TMPRSS4: variants seen among roughly 807,000 people sequenced by gnomAD.
TMPRSS4 encodes the protein transmembrane serine protease 4.
In TMPRSS4, 45 loss-of-function variants were observed where a neutral mutation model predicts 56.4. The observed-to-expected ratio is 0.80, with a 90% CI of 0.63 to 1.02. The LOEUF (loss-of-function observed/expected upper bound fraction) is 1.02, where lower values mean the gene tolerates loss of function less well. Ranked by LOEUF, TMPRSS4 falls within the 50% of genes least tolerant of loss-of-function variation. The pLI, the probability that TMPRSS4 is intolerant of heterozygous loss-of-function variation, is 0.00. For synonymous variants in TMPRSS4, 205 were observed against 211.0 expected (o/e 0.97, Z 0.25); for missense variants, 546 against 556.7 (o/e 0.98, Z 0.19).
In TMPRSS4 at chr11:118,119,541, T is replaced by C. The variant is rs1177329564; in HGVS notation, c.*1628T>C. ...TCAGAATATTAGAGACTTATGATAATAAGCAATATTTGCAGAGTATTTGTA... is the reference window on the plus strand; with the variant it reads ...TCAGAATATTAGAGACTTATGATAACAAGCAATATTTGCAGAGTATTTGTA... On this transcript the variant is annotated 3_prime_UTR_variant, in exon 13 of 13. Transcript: ENST00000437212. 5.8e-6 allele frequency: 1 copy of C among 173,286 alleles called. No individual in the cohort carries two copies. The highest frequency in any genetic ancestry group is 2.4e-5 in the African/African-American group (1 of 41,862). The allele number at this position is 173,286 out of a possible 1,614,324, so 10.7% of individuals were successfully genotyped here. A position where few individuals can be genotyped will look rare whatever the true frequency, so the allele number is the denominator to read the frequency against.
At chr11:118,110,309 A>AACGC (rs1411806258) in intron 7 of TMPRSS4, among the ~76,000 whole-genome samples, 1 of 151,748 alleles carries the variant, frequency 6.6e-6, no homozygotes, top group Admixed American at 6.6e-5. Flanking sequence ...ATTTTTCCGC[A>AACGC]AACCAAGAGG....
At chr11:118,107,419 T>A in intron 5 of TMPRSS4, 1 of 171,182 alleles carries the variant, frequency 5.8e-6, no homozygotes, top group East Asian at 1.5e-4. Context: ...GTTTCCCTGC[T>A]GTGAACCAGA....
intron 2 of TMPRSS4, 111 bp downstream of exon 2, chr11:118,094,966 G>C: frequency 9.0e-7 from 1 of 1,106,144 alleles, no homozygotes; most frequent in South Asian, 1.3e-5. Flanking sequence ...AAAGTGCTAA[G>C]TGCCATGAGT....
chr11:118,087,714 A>T (rs603455), intron 1 of TMPRSS4: 20,266 of 152,226 alleles, frequency 0.13, 1,781 homozygotes, highest in East Asian at 0.24. Context: ...TGACCTTAAG[A>T]TGTCTGTTTG....
intron 2 of TMPRSS4, among the ~76,000 whole-genome samples, chr11:118,098,040 G>A (rs547846032): frequency 6.6e-6 from 1 of 152,326 alleles, no homozygotes; most frequent in African/African-American, 2.4e-5. Flanking sequence ...AAAGTGCTGG[G>A]ATTACAGGCG....
rs972054397 is a variant in TMPRSS4, at chr11:118,111,982, C to T, written c.743+82C>T. On this transcript the variant is annotated intron_variant, in intron 8 of 12. Transcript: ENST00000437212. ...AGCTTGGGGTCCTGTCTCCTGGCAC[C>T]GTCCTTCTCTTCACTCTCCCACTAG... 4.2e-5 allele frequency: 64 copies of T among 1,536,448 alleles called. 1 individual carries two copies. The African/African-American group carries it at 5.4e-4, about 13-fold the overall frequency.
chr11:118,113,577 T>A, intron 9 of TMPRSS4, 142 bp downstream of exon 9: 1 of 897,384 alleles, frequency 1.1e-6, no homozygotes, highest in Non-Finnish European at 1.7e-6. Flanking sequence ...TACGTCAGCC[T>A]AACATCACTG....
intron 11 of TMPRSS4, among the ~76,000 whole-genome samples, chr11:118,116,901 G>A (rs1200538005): frequency 3.3e-5 from 5 of 151,894 alleles, no homozygotes; most frequent in African/African-American, 7.2e-5. Flanking sequence ...TAGTAGAGAC[G>A]GGTTTCACCA....
At position 118,084,265 on chromosome 11, in the gene TMPRSS4, C is replaced by A. The variant is rs78081857; in HGVS notation, c.3+6960C>A. Among the ~76,000 whole-genome samples, 353 of 152,274 alleles carry A rather than the reference C, an allele frequency of 2.3e-3. 2 individuals are homozygous for A. Among genetic ancestry groups the A allele is most frequent in the African/African-American group, 5.6e-3 (234 of 41,558 alleles). On this transcript the variant is annotated intron_variant, in intron 1 of 12. Coordinates refer to ENST00000437212, the MANE Select transcript of TMPRSS4 (RefSeq NM_019894.4). Reference sequence around the variant, plus strand: ...TTCAGACCTAGGCTGCAGGATTCCACGGCCTGTGCTCTGTGCACTGTAAAA... The same window carrying A: ...TTCAGACCTAGGCTGCAGGATTCCAAGGCCTGTGCTCTGTGCACTGTAAAA...
chr11:118,105,837 C>T (rs779568895), intron 5 of TMPRSS4: 1 of 152,254 alleles, frequency 6.6e-6, no homozygotes, highest in Non-Finnish European at 1.5e-5. Flanking sequence ...AGAACTCTCT[C>T]CCATGGATCC....
intron 1 of TMPRSS4, among the ~76,000 whole-genome samples, chr11:118,081,477 G>A (rs1488296497): frequency 1.3e-5 from 2 of 152,200 alleles, no homozygotes; most frequent in Non-Finnish European, 2.9e-5. Flanking sequence ...TCCCCTGCCC[G>A]TGGCCCCCAG....
At chr11:118,113,757 C>A (rs684835) in intron 9 of TMPRSS4, among the ~76,000 whole-genome samples, 2 of 152,136 alleles carry the variant, frequency 1.3e-5, no homozygotes, top group Admixed American at 1.3e-4. Flanking sequence ...GCTAATTCCC[C>A]ACCACTGACC....
At chr11:118,116,550 A>G (rs1016969332) in intron 11 of TMPRSS4, among the ~76,000 whole-genome samples, 5 of 152,088 alleles carry the variant, frequency 3.3e-5, no homozygotes, top group Non-Finnish European at 7.4e-5. Flanking sequence ...TTGCTTGTTC[A>G]CTGTCTCTCA....
At position 118,119,651 on chromosome 11, in the gene TMPRSS4, T is replaced by C. The variant is rs1211650020; in HGVS notation, c.*1738T>C. ...ATCTGTGAGATGGGTATTATTCTTA[T>C]CCTCACTCTATGGATTAAAAAAACT... is the stretch of plus-strand genomic sequence containing the variant. On this transcript the variant is annotated 3_prime_UTR_variant, in exon 13 of 13. Coordinates refer to ENST00000437212, the MANE Select transcript of TMPRSS4 (RefSeq NM_019894.4). The C allele has an allele frequency of 6.6e-6, 1 of 152,302 alleles. No homozygotes were observed. The highest frequency in any genetic ancestry group is 1.9e-4 in the East Asian group (1 of 5,200). 9.4% of individuals were successfully genotyped at this position (152,302 alleles called of 1,614,324 possible).
intron 1 of TMPRSS4, among the ~76,000 whole-genome samples, chr11:118,092,222 C>T (rs529685999): frequency 6.6e-6 from 1 of 152,288 alleles, no homozygotes; most frequent in South Asian, 2.1e-4. Flanking sequence ...GCTGCCTAGA[C>T]AAAACCAATT....
Position 118,094,724 on chromosome 11 carries a change from G to A in TMPRSS4, c.4-92G>A, listed in dbSNP as rs972266282. On this transcript the variant is annotated intron_variant, in intron 1 of 12. Coordinates refer to ENST00000437212, the MANE Select transcript of TMPRSS4 (RefSeq NM_019894.4). ...CCCCCAACGTAGACTCAGGGAGAAG[G>A]GAATGTAGACAAGACCCAAGAACCT... The A allele has an allele frequency of 7.9e-6, 9 of 1,136,624 alleles. No homozygotes were observed. In the East Asian group the frequency reaches 1.0e-4, roughly 13 times the overall value. The allele number at this position is 1,136,624 out of a possible 1,614,324, so 70.4% of individuals were successfully genotyped here. A position where few individuals can be genotyped will look rare whatever the true frequency, so the allele number is the denominator to read the frequency against.
In TMPRSS4 at chr11:118,119,053, C is replaced by G; in HGVS notation, c.*1140C>G. 1 of 985,298 alleles carries G rather than the reference C, an allele frequency of 1.0e-6. No individual in the cohort carries two copies. Among genetic ancestry groups the G allele is most frequent in the Non-Finnish European group, 1.2e-6 (1 of 829,904 alleles). 61.0% of individuals were successfully genotyped at this position (985,298 alleles called of 1,614,324 possible). Reference sequence around the variant, plus strand: ...CTGTCTTGCTATAGTTAAGTCAGATCCTAGATGAAATATACTTGTTCATAC... The same window carrying G: ...CTGTCTTGCTATAGTTAAGTCAGATGCTAGATGAAATATACTTGTTCATAC... On this transcript the variant is annotated 3_prime_UTR_variant, in exon 13 of 13. Coordinates refer to ENST00000437212, the MANE Select transcript of TMPRSS4 (RefSeq NM_019894.4).
chr11:118,086,197 C>T (rs1043219595), intron 1 of TMPRSS4, among the ~76,000 whole-genome samples: 2 of 152,256 alleles, frequency 1.3e-5, no homozygotes, highest in African/African-American at 2.4e-5. Flanking sequence ...CTCCCCAGCC[C>T]TATCTGAACC....
chr11:118,113,249 C>A lies in TMPRSS4; in HGVS notation c.744-20C>A. On this transcript the variant is annotated intron_variant, in intron 8 of 12. Coordinates refer to ENST00000437212, the MANE Select transcript of TMPRSS4 (RefSeq NM_019894.4). The stretch of plus-strand genomic sequence containing the variant: ...CCTCAGGCTTGGATCAGGCCTGAAC[C>A]CAGCTGTCTCTACCCCCAGGAAACA... The A allele has an allele frequency of 1.2e-6, 2 of 1,611,132 alleles. No individual in the cohort carries two copies. The highest frequency in any genetic ancestry group is 1.7e-6 in the Non-Finnish European group (2 of 1,178,168).
Sources: allele counts gnomAD v4.1 joint callset (sites outside exome capture counted in the v4.1 genomes callset), GRCh38; gene constraint gnomAD v4.1.1; transcripts MANE v1.5; gene names NCBI Gene and HGNC (gene_info 2026-07-23, HGNC 2026-07-21).